Variants in OPCML observed in about 807,000 individuals in gnomAD.
OPCML encodes opioid binding protein/cell adhesion molecule like, also known as opioid-binding protein/cell adhesion molecule.
Under a neutral mutation model 37.8 loss-of-function variants are expected in OPCML, and 13 were observed. The ratio of observed to expected loss-of-function variants is 0.34; its 90% CI spans 0.22 to 0.55. The LOEUF is 0.55. OPCML is among the 20% of genes least tolerant of loss of function. The pLI, the probability that OPCML is intolerant of heterozygous loss-of-function variation, is 0.91. For synonymous variants in OPCML, 176 were observed against 168.8 expected (o/e 1.04, Z -0.33); for missense variants, 341 against 435.6 (o/e 0.78, Z 1.93).
intron 1 of OPCML, chr11:133,301,411 T>A (rs1942773036): frequency 6.6e-6 from 1 of 152,200 alleles, no homozygotes. Context: ...CAGAGATATT[T>A]ATTGCTTAAA....
intron 1 of OPCML, among the ~76,000 whole-genome samples, chr11:133,027,432 C>G (rs1163154615): frequency 6.6e-6 from 1 of 151,980 alleles, no homozygotes; most frequent in East Asian, 1.9e-4. Context: ...AAGAAATAGT[C>G]ACTTAACTAG....
intron 1 of OPCML, chr11:133,422,393 A>ATG (rs1491557744): frequency 1.1e-6 from 1 of 913,510 alleles, no homozygotes; most frequent in Admixed American, 6.5e-5. Context: ...ATATATATAT[A>ATG]TGTATATATG....
intron 3 of OPCML, among the ~76,000 whole-genome samples, chr11:132,530,436 C>A (rs1218900063): frequency 6.6e-6 from 1 of 152,096 alleles, no homozygotes; most frequent in African/African-American, 2.4e-5. Context: ...GAACCTTCCA[C>A]CTGGTCTCTT....
At chr11:133,070,424 T>G (rs1180237517) in intron 1 of OPCML, among the ~76,000 whole-genome samples, 1 of 152,176 alleles carries the variant, frequency 6.6e-6, no homozygotes, top group Non-Finnish European at 1.5e-5. Flanking sequence ...AGGCTCAAGA[T>G]TTCATAATCT....
chr11:132,676,805 G>T (rs200997872), intron 2 of OPCML, among the ~76,000 whole-genome samples: 1 of 133,338 alleles, frequency 7.5e-6, no homozygotes, highest in East Asian at 2.2e-4. Flanking sequence ...AAAAAAAAAA[G>T]AAAGAACGAG....
intron 3 of OPCML, among the ~76,000 whole-genome samples, chr11:132,595,878 T>C (rs535360646): frequency 7.9e-5 from 12 of 152,352 alleles, no homozygotes; most frequent in African/African-American, 2.9e-4. Context: ...CTAAGAGCCA[T>C]GGACAGCATA....
chr11:132,581,147 C>A (rs2096461309), intron 3 of OPCML, among the ~76,000 whole-genome samples: 1 of 152,016 alleles, frequency 6.6e-6, no homozygotes, highest in Non-Finnish European at 1.5e-5. Flanking sequence ...CAGGTAAATG[C>A]TGTTCCCCAC....
chr11:133,350,926 G>A (rs866114891), intron 1 of OPCML, among the ~76,000 whole-genome samples: 13 of 152,264 alleles, frequency 8.5e-5, no homozygotes, highest in Admixed American at 2.6e-4. Flanking sequence ...AGAGTTGGAC[G>A]GCAGGCCAAT....
intron 3 of OPCML, among the ~76,000 whole-genome samples, chr11:132,587,990 G>A (rs533565483): frequency 6.6e-6 from 1 of 152,146 alleles, no homozygotes; most frequent in Admixed American, 6.5e-5. Flanking sequence ...TCCCAGAGGT[G>A]CAGGGCCTCC....
At chr11:133,195,880 C>G (rs77380254) in intron 1 of OPCML, among the ~76,000 whole-genome samples, 11,888 of 152,198 alleles carry the variant, frequency 0.078, 592 homozygotes, top group South Asian at 0.16. Context: ...CCATACTAAA[C>G]CAACAATGGT....
chr11:132,543,912 C>G (rs1320186929), intron 3 of OPCML, among the ~76,000 whole-genome samples: 1 of 152,020 alleles, frequency 6.6e-6, no homozygotes, highest in Non-Finnish European at 1.5e-5. Flanking sequence ...TCCTCAATTC[C>G]AACAAACCTG....
chr11:132,684,733 T>G (rs1943096359), intron 2 of OPCML, among the ~76,000 whole-genome samples: 1 of 152,192 alleles, frequency 6.6e-6, no homozygotes, highest in Non-Finnish European at 1.5e-5. Context: ...AAATCTTTGT[T>G]CTTGTGGAGC....
chr11:133,487,024 C>T (rs1396070953), intron 1 of OPCML, among the ~76,000 whole-genome samples: 1 of 152,012 alleles, frequency 6.6e-6, no homozygotes, highest in African/African-American at 2.4e-5. Flanking sequence ...ATTCCAGAGC[C>T]CCCATCATTG....
At chr11:133,294,815 C>CTTCT in intron 1 of OPCML, among the ~76,000 whole-genome samples, 1 of 56,560 alleles carries the variant, frequency 1.8e-5, no homozygotes, top group South Asian at 7.4e-4. Flanking sequence ...TTCTTTCTTT[C>CTTCT]TTTTTTTTTT....
At chr11:132,869,852 C>T (rs549530650) in intron 2 of OPCML, among the ~76,000 whole-genome samples, 3 of 152,302 alleles carry the variant, frequency 2.0e-5, no homozygotes, top group Admixed American at 2.0e-4. Flanking sequence ...GGTCTGAGCA[C>T]AGATGCACCT....
At chr11:132,464,384 T>C (rs1284315037) in intron 4 of OPCML, among the ~76,000 whole-genome samples, 4 of 152,150 alleles carry the variant, frequency 2.6e-5, no homozygotes, top group Admixed American at 2.0e-4. Context: ...ATTTGTTTAT[T>C]GTCTGACACC....
At chr11:133,386,282 G>C (rs935292314) in intron 1 of OPCML, among the ~76,000 whole-genome samples, 17 of 152,242 alleles carry the variant, frequency 1.1e-4, no homozygotes, top group African/African-American at 4.1e-4. Context: ...ATTTAAATTA[G>C]TGAATGGAAT....
chr11:132,629,769 A>G (rs543776426), intron 3 of OPCML, among the ~76,000 whole-genome samples: 1 of 152,298 alleles, frequency 6.6e-6, no homozygotes, highest in African/African-American at 2.4e-5. Context: ...GATAAAGAAA[A>G]CTGGAAAACA....
chr11:133,284,984 A>G (rs1465530631), intron 1 of OPCML, among the ~76,000 whole-genome samples: 1 of 152,136 alleles, frequency 6.6e-6, no homozygotes, highest in East Asian at 1.9e-4. Context: ...TCTTATTTGT[A>G]TGCTGCAATT....
Sources: gnomAD v4.1 joint callset for allele counts (sites outside exome capture counted in the v4.1 genomes callset) on GRCh38, gnomAD v4.1.1 for gene constraint, MANE v1.5 for transcripts, NCBI Gene and HGNC (gene_info 2026-07-23, HGNC 2026-07-21) for gene names.